The following ARMC2 variants were observed in gnomAD, a reference collection of about 807,000 sequenced individuals.
The protein encoded by ARMC2 is armadillo repeat-containing protein 2.
A neutral mutation model predicts 90.3 loss-of-function variants in ARMC2; 67 were observed. The ratio of observed to expected loss-of-function variants is 0.74; its 90% CI spans 0.61 to 0.91. The LOEUF (loss-of-function observed/expected upper bound fraction) is 0.91, where lower values mean the gene tolerates loss of function less well. Ranked by LOEUF, ARMC2 falls within the 40% of genes least tolerant of loss-of-function variation. The pLI is 0.00. For synonymous variants in ARMC2, 393 were observed against 393.0 expected, an observed-to-expected ratio of 1.00 and a Z score of 0.00; for missense variants, 920 against 1,030.9, an observed-to-expected ratio of 0.89 and a Z score of 1.47.
At chr6:108,862,359 CA>C (rs796750309) in intron 3 of ARMC2, among the ~76,000 whole-genome samples, 23 of 63,248 alleles carry the variant, frequency 3.6e-4, no homozygotes, top group African/African-American at 1.1e-3. Context: ...AAAAAAAAAA[CA>C]AAAAAAACAA....
At position 108,962,097 on chromosome 6, in the gene ARMC2, G is replaced by T. The variant is rs146571005; in HGVS notation, c.2122G>T (p.Asp708Tyr). Residue 708 changes from aspartate to tyrosine, a missense_variant, in exon 15 of 18, where the codon GAT (aspartate) becomes TAT (tyrosine). By Grantham distance (160) the Asp-to-Tyr change is radical. Coordinates refer to ENST00000392644, the MANE Select transcript of ARMC2 (RefSeq NM_032131.6). The stretch of plus-strand genomic sequence containing the variant: ...TTTCGGAAATCTCTCCCAGGACCAT[G>T]ATGTCTGCGATTTCATTGTGCAGAA... ...RVFGNLSQDH[D>Y]VCDFIVQNNV... 4 of 1,611,838 alleles carry T rather than the reference G, an allele frequency of 2.5e-6. No individual in the cohort carries two copies. In the East Asian group the frequency reaches 8.9e-5, roughly 36 times the overall value.
the ARMC2 span, chr6:108,993,125 C>T: frequency 4.6e-6 from 2 of 430,526 alleles, no homozygotes; most frequent in Non-Finnish European, 8.2e-6. Context: ...TTCTCTATGC[C>T]TTTTATTGCC....
At chr6:108,922,567 G>C (rs759929812) in intron 10 of ARMC2, among the ~76,000 whole-genome samples, 2 of 152,136 alleles carry the variant, frequency 1.3e-5, no homozygotes, top group Non-Finnish European at 2.9e-5. Context: ...TAAAGCTTTT[G>C]AGTTCTCATT....
the ARMC2 span, among the ~76,000 whole-genome samples, chr6:109,004,393 T>A: frequency 6.6e-6 from 1 of 152,092 alleles, no homozygotes; most frequent in South Asian, 2.1e-4. Flanking sequence ...AGGGCTAAAT[T>A]TTAAAGAAAG....
chr6:109,001,522 TG>T, the ARMC2 span: 1 of 1,577,492 alleles, frequency 6.3e-7, no homozygotes, highest in South Asian at 1.1e-5. Context: ...GTTACTGAAA[TG>T]GTAAATTGGT....
the ARMC2 span, among the ~76,000 whole-genome samples, chr6:109,001,689 C>A: frequency 3.3e-5 from 5 of 152,098 alleles, no homozygotes; most frequent in African/African-American, 4.8e-5. Flanking sequence ...GGATAAACAA[C>A]AAAGGCTGAA....
In ARMC2 at chr6:108,912,425, G is replaced by A. The variant is rs1773535506; in HGVS notation, c.1217G>A (p.Gly406Glu). ...ATGGGGTCTATAAAGTTCATTTCTG[G>A]AAATCTGGGATTTCTTAATGAAATG... ...YCMGSIKFIS[G>E]NLGFLNEMIS... Residue 406 changes from glycine to glutamate, a missense_variant, in exon 10 of 18, where the codon GGA (glycine) becomes GAA (glutamate). Coordinates refer to ENST00000392644, the MANE Select transcript of ARMC2 (RefSeq NM_032131.6). 6.2e-7 allele frequency: 1 copy of A among 1,613,660 alleles called. No homozygotes were observed. The highest frequency in any genetic ancestry group is 8.5e-7 in the Non-Finnish European group (1 of 1,179,748).
the ARMC2 span, among the ~76,000 whole-genome samples, chr6:109,022,652 G>C: frequency 4.0e-5 from 6 of 151,874 alleles, no homozygotes; most frequent in African/African-American, 1.5e-4. Flanking sequence ...CTGACCTCGT[G>C]ATCTGTCCGC....
intron 12 of ARMC2, among the ~76,000 whole-genome samples, chr6:108,938,036 C>T (rs1264567115): frequency 2.0e-5 from 3 of 152,062 alleles, no homozygotes; most frequent in East Asian, 1.9e-4. Context: ...TTTAAATATT[C>T]GTTAAAGCAA....
intron 13 of ARMC2, among the ~76,000 whole-genome samples, chr6:108,954,821 C>T (rs1261995036): frequency 6.6e-6 from 1 of 152,206 alleles, no homozygotes; most frequent in Non-Finnish European, 1.5e-5. Context: ...CATTCAGTTT[C>T]ATTTATTCTG....
chr6:108,937,840 G>T (rs551069192), intron 12 of ARMC2, among the ~76,000 whole-genome samples: 1 of 151,892 alleles, frequency 6.6e-6, no homozygotes, highest in Non-Finnish European at 1.5e-5. Flanking sequence ...GACTACAGGC[G>T]TGCCACCACA....
intron 12 of ARMC2, among the ~76,000 whole-genome samples, chr6:108,938,301 ACTTAT>A (rs1776127939): frequency 6.6e-6 from 1 of 152,080 alleles, no homozygotes; most frequent in Non-Finnish European, 1.5e-5. Context: ...CTAGCATTGA[ACTTAT>A]CTTTACCCAG....
chr6:108,863,297 G>A (rs1285038505), intron 3 of ARMC2, among the ~76,000 whole-genome samples: 3 of 152,096 alleles, frequency 2.0e-5, no homozygotes, highest in African/African-American at 7.2e-5. Context: ...TGGCCAGGCT[G>A]GTCTCAAACC....
the ARMC2 span, among the ~76,000 whole-genome samples, chr6:109,041,546 T>G: frequency 0.1 from 15,196 of 152,092 alleles, 925 homozygotes; most frequent in Middle Eastern, 0.2. Context: ...AGCAGGAATT[T>G]TTATATTAAT....
intron 12 of ARMC2, among the ~76,000 whole-genome samples, chr6:108,951,445 C>T (rs948725530): frequency 6.6e-6 from 1 of 152,138 alleles, no homozygotes; most frequent in Admixed American, 6.5e-5. Flanking sequence ...GAAATGTCTC[C>T]GAAAATGAAC....
chr6:108,920,625 G>C (rs1774462289), intron 10 of ARMC2, among the ~76,000 whole-genome samples: 1 of 152,152 alleles, frequency 6.6e-6, no homozygotes, highest in Non-Finnish European at 1.5e-5. Context: ...AATGCCTTGG[G>C]TTTTTTACTT....
the ARMC2 span, among the ~76,000 whole-genome samples, chr6:109,015,703 T>C: frequency 6.6e-6 from 1 of 152,180 alleles, no homozygotes; most frequent in Non-Finnish European, 1.5e-5. Flanking sequence ...GTTAGGACTT[T>C]AAGCCATATG....
chr6:108,863,533 C>T (rs1562326969), intron 3 of ARMC2, among the ~76,000 whole-genome samples: 1 of 152,230 alleles, frequency 6.6e-6, no homozygotes, highest in Non-Finnish European at 1.5e-5. Flanking sequence ...TTCTTCTACT[C>T]TAGTTAGATG....
chr6:108,904,655 AAAAAAG>A (rs1772486908), intron 8 of ARMC2, among the ~76,000 whole-genome samples: 2 of 151,162 alleles, frequency 1.3e-5, no homozygotes, highest in African/African-American at 2.4e-5. Context: ...TTAAAAAAAA[AAAAAAG>A]AAGAAGAAGA....
Sources: allele counts gnomAD v4.1 joint callset (sites outside exome capture counted in the v4.1 genomes callset), GRCh38; gene constraint gnomAD v4.1.1; transcripts MANE v1.5; gene names NCBI Gene and HGNC (gene_info 2026-07-23, HGNC 2026-07-21).